Variants in DUOX2 observed in about 807,000 individuals in gnomAD.
DUOX2 encodes dual oxidase 2.
A neutral mutation model predicts 183.3 loss-of-function variants in DUOX2; 185 were observed. The ratio of observed to expected loss-of-function variants is 1.01; its 90% CI spans 0.90 to 1.14. DUOX2 has a LOEUF of 1.14. Among genes scored for constraint, DUOX2 ranks in the 50% most tolerant of loss-of-function variants. The pLI, the probability that DUOX2 is intolerant of heterozygous loss-of-function variation, is 0.00. For synonymous variants in DUOX2, 788 were observed against 812.4 expected (o/e 0.97, Z 0.51); for missense variants, 1,999 against 2,022.9 (o/e 0.99, Z 0.23).
At position 45,093,157 on chromosome 15, in the gene DUOX2, G is replaced by T. The variant is rs993549377; in HGVS notation, c.*993C>A. The T allele has an allele frequency of 6.6e-6, 1 of 152,216 alleles. No individual in the cohort carries two copies. The highest frequency in any genetic ancestry group is 1.5e-5 in the Non-Finnish European group (1 of 68,034). The allele number at this position is 152,216 out of a possible 1,614,324, so 9.4% of individuals were successfully genotyped here. ...TGTTTCAGCCTGGCTCTTGCGTAAG[G>T]TGACCAGCTGTCCCAATCTGCCTGG... On this transcript the variant is annotated 3_prime_UTR_variant, in exon 34 of 34. Coordinates refer to ENST00000389039, the MANE Select transcript of DUOX2 (RefSeq NM_001363711.2).
intron 20 of DUOX2, among the ~76,000 whole-genome samples, chr15:45,103,589 C>T (rs1894134508): frequency 6.6e-6 from 1 of 152,216 alleles, no homozygotes; most frequent in Non-Finnish European, 1.5e-5. Flanking sequence ...GTCATCCATT[C>T]ACTGTTTCAC....
intron 20 of DUOX2, among the ~76,000 whole-genome samples, chr15:45,103,027 C>T (rs1049609470): frequency 1.3e-5 from 2 of 152,094 alleles, no homozygotes; most frequent in Non-Finnish European, 2.9e-5. Context: ...GAACTCAGCC[C>T]TTGGAGGCAG....
intron 17 of DUOX2, 76 bp from the exon 18 acceptor site, chr15:45,105,904 G>T: frequency 6.3e-7 from 1 of 1,575,976 alleles, no homozygotes; most frequent in Non-Finnish European, 8.7e-7. Context: ...AATGGATCTT[G>T]GGTTGAGGGG....
intron 25 of DUOX2, 41 bp from the exon 26 acceptor site, chr15:45,099,523 G>T: frequency 6.2e-7 from 1 of 1,600,120 alleles, no homozygotes; most frequent in Non-Finnish European, 8.6e-7. Flanking sequence ...AACCAGGACA[G>T]ACTCTACCTC....
At chr15:45,107,708 G>T (rs1036883743) in intron 13 of DUOX2, among the ~76,000 whole-genome samples, 7 of 151,804 alleles carry the variant, frequency 4.6e-5, no homozygotes, top group Non-Finnish European at 1.0e-4. Context: ...AAAATTAGCC[G>T]GGCATGTTGG....
chr15:45,107,637 A>G (rs1485037377), intron 13 of DUOX2, among the ~76,000 whole-genome samples, 174 bp from the exon 14 acceptor site: 3 of 152,040 alleles, frequency 2.0e-5, no homozygotes, highest in Non-Finnish European at 2.9e-5. Context: ...TGAGGTCAGG[A>G]GTTCGAGACC....
At chr15:45,107,759 G>A (rs905187062) in intron 13 of DUOX2, among the ~76,000 whole-genome samples, 1 of 144,628 alleles carries the variant, frequency 6.9e-6, no homozygotes, top group Non-Finnish European at 1.5e-5. Flanking sequence ...GCTGATGCAG[G>A]AGAATCACTT....
chr15:45,107,687 T>C (rs549210428), intron 13 of DUOX2, among the ~76,000 whole-genome samples: 159 of 151,636 alleles, frequency 1.0e-3, no homozygotes, highest in African/African-American at 3.7e-3. Context: ...CTACTAAAAA[T>C]ATTTTTTAAA....
chr15:45,099,472 A>G lies in DUOX2; in HGVS notation c.3426T>C (p.Ser1142=). 1 of 1,613,940 alleles carries G rather than the reference A, an allele frequency of 6.2e-7. No homozygotes were observed. Among genetic ancestry groups the G allele is most frequent in the Non-Finnish European group, 8.5e-7 (1 of 1,180,000 alleles). Residue 1142 remains serine, a synonymous_variant, in exon 26 of 34, where the codon AGT becomes AGC. Transcript: ENST00000389039. The stretch of plus-strand genomic sequence containing the variant: ...TGTAGACATTGACTGCGTGGCCAGC[A>G]CTGTGCAAAACTGGAAGAGACAGAC... ...MAAVVLAILH[S]AGHAVNVYIF... is the part of the protein sequence containing the mutation.
chr15:45,107,536 C>T, intron 13 of DUOX2, 73 bp from the exon 14 acceptor site: 1 of 1,512,914 alleles, frequency 6.6e-7, no homozygotes, highest in Admixed American at 1.7e-5. Context: ...GGCCCAAGGA[C>T]CCAGGTGAGA....
At chr15:45,108,360 C>T (rs1894285341) in intron 12 of DUOX2, 138 bp from the exon 13 acceptor site, 1 of 1,037,224 alleles carries the variant, frequency 9.6e-7, no homozygotes, top group Admixed American at 2.1e-5. Flanking sequence ...TAGGCAAGCC[C>T]CCTCAGGCAG....
At position 45,108,069 on chromosome 15, in the gene DUOX2, A is replaced by T. The variant is rs543781904; in HGVS notation, c.1552T>A (p.Trp518Arg). The T allele has an allele frequency of 2.5e-6, 4 of 1,614,030 alleles. No individual in the cohort carries two copies. In the Admixed American group the frequency reaches 6.7e-5, roughly 27 times the overall value. The change falls in exon 13 of 34, where the codon TGG (tryptophan) becomes AGG (arginine). Residue 518 changes from tryptophan (W) to arginine (R), a missense_variant. By Grantham distance (101) the Trp-to-Arg change is moderately radical (BLOSUM62 -3). This residue lies in a region of DUOX2 where 1,628 missense variants were observed against 1,608.6 expected (regional missense o/e 1.01). Coordinates refer to ENST00000389039, the MANE Select transcript of DUOX2 (RefSeq NM_001363711.2). The stretch of plus-strand genomic sequence containing the variant: ...TACCCATTCCTGGTGTTCTCAAACC[A>T]GTAGCGGTCACCATCCCGCAGCCGT... ...FVRLRDGDRY[W>R]FENTRNGLFS...
intron 4 of DUOX2, among the ~76,000 whole-genome samples, chr15:45,112,288 G>C (rs1488199660): frequency 6.6e-6 from 1 of 152,188 alleles, no homozygotes; most frequent in Admixed American, 6.5e-5. Flanking sequence ...TGGCTGGGGA[G>C]CTCAGTTCCC....
At position 45,095,061 on chromosome 15, in the gene DUOX2, G is replaced by T. The variant is rs769909588; in HGVS notation, c.4270C>A (p.Arg1424Ser). 31 of 1,613,934 alleles carry T rather than the reference G, an allele frequency of 1.9e-5. No individual in the cohort carries two copies. The highest frequency in any genetic ancestry group is 2.5e-5 in the Non-Finnish European group (29 of 1,180,030). ...ATGTCAGCCAGCCACTCAAACTGAC[G>T]CTGGGTCCGTGTCACCCAGATGAAG... The part of the protein sequence containing the change: ...IYFIWVTRTQ[R>S]QFEWLADIIQ... The change falls in exon 32 of 34, where the codon CGT becomes AGT. Residue 1424 changes from arginine (R) to serine (S), a missense_variant. By Grantham distance (110) the Arg-to-Ser change is moderately radical. Coordinates refer to ENST00000389039, the MANE Select transcript of DUOX2 (RefSeq NM_001363711.2).
chr15:45,108,599 A>T, intron 12 of DUOX2, 190 bp downstream of exon 12: 1 of 711,474 alleles, frequency 1.4e-6, no homozygotes, highest in Non-Finnish European at 2.4e-6. Flanking sequence ...TATATTCTGG[A>T]ATCAGATGGC....
chr15:45,099,451 G>A lies in DUOX2; in HGVS notation c.3447C>T (p.Val1149=). 6.2e-7 allele frequency: 1 copy of A among 1,614,094 alleles called. No homozygotes were observed. Among genetic ancestry groups the A allele is most frequent in the Non-Finnish European group, 8.5e-7 (1 of 1,180,038 alleles). The change falls in exon 26 of 34, where the codon GTC becomes GTT. Residue 1149 remains valine (V), a synonymous_variant. Transcript: ENST00000389039. ...ILHSAGHAVN[V]YIFSVSPLSL... ...TGAGTGGGCTGACTGAGAAGATGTA[G>A]ACATTGACTGCGTGGCCAGCACTGT... is the stretch of plus-strand genomic sequence containing the variant.
At chr15:45,097,920 T>C in intron 27 of DUOX2, 89 bp downstream of exon 27, 1 of 1,536,356 alleles carries the variant, frequency 6.5e-7, no homozygotes, top group South Asian at 1.1e-5. Context: ...ACAGACCCCA[T>C]GGCCAGTATA....
At chr15:45,107,315 C>A in intron 14 of DUOX2, 30 bp downstream of exon 14, 1 of 1,611,862 alleles carries the variant, frequency 6.2e-7, no homozygotes, top group Non-Finnish European at 8.5e-7. Flanking sequence ...TGGCCACTGT[C>A]ACTCACTTGT....
In DUOX2 at chr15:45,113,111, G is replaced by C. The variant is rs778469926; in HGVS notation, c.71-35C>G. ...CAGAGAAGGGCCTCCTCAGCACTAC[G>C]CTCCCAGCTACCCCTCCCGAGCAAC... On this transcript the variant is annotated intron_variant, in intron 2 of 33. Coordinates refer to ENST00000389039, the MANE Select transcript of DUOX2 (RefSeq NM_001363711.2). 55 of 1,597,972 alleles carry C rather than the reference G, an allele frequency of 3.4e-5. No homozygotes were observed. In the Admixed American group the frequency reaches 9.1e-4, roughly 26 times the overall value.
Sources: allele counts gnomAD v4.1 joint callset (sites outside exome capture counted in the v4.1 genomes callset), GRCh38; gene constraint gnomAD v4.1.1; regional missense constraint gnomAD v4.1.1; transcripts MANE v1.5; gene names NCBI Gene and HGNC (gene_info 2026-07-23, HGNC 2026-07-21).